MAGI1: variants seen among roughly 807,000 people sequenced by gnomAD.
MAGI1 encodes the protein membrane-associated guanylate kinase, WW and PDZ domain-containing protein 1.
A neutral mutation model predicts 139.9 loss-of-function variants in MAGI1; 58 were observed. The observed-to-expected ratio is 0.41, with a 90% CI of 0.34 to 0.52. MAGI1 has a LOEUF of 0.52. Ranked by LOEUF, MAGI1 falls within the 20% of genes least tolerant of loss-of-function variation. The pLI is 0.12. For missense variants in MAGI1, 1,874 were observed against 1,901.6 expected, an observed-to-expected ratio of 0.99 and a Z score of 0.27; for synonymous variants, 812 against 737.9, an observed-to-expected ratio of 1.10 and a Z score of -1.63.
chr3:65,561,963 C>A (rs1412340286), intron 2 of MAGI1, among the ~76,000 whole-genome samples: 2 of 152,172 alleles, frequency 1.3e-5, no homozygotes, highest in African/African-American at 4.8e-5. Flanking sequence ...AGATATTTTT[C>A]AAGAGAGACC....
Position 65,427,168 on chromosome 3 carries a change from C to T in MAGI1, c.2167+2352G>A, listed in dbSNP as rs190661880. ...TTCTACTGAAAATACAAAAATCAGC[C>T]GGGAGTGGTGGCATGCACCTATAGT... is the stretch of plus-strand genomic sequence containing the variant. On this transcript the variant is annotated intron_variant, in intron 12 of 22. Transcript: ENST00000402939. Among the ~76,000 whole-genome samples the T allele has an allele frequency of 7.9e-5, 12 of 152,034 alleles. 1 individual carries two copies. The highest frequency in any genetic ancestry group is 7.9e-4 in the Admixed American group (12 of 15,272).
intron 1 of MAGI1, among the ~76,000 whole-genome samples, chr3:66,028,874 A>G (rs1008193874): frequency 6.6e-6 from 1 of 152,202 alleles, no homozygotes; most frequent in Non-Finnish European, 1.5e-5. Flanking sequence ...AGCTCTCCAG[A>G]GAACTGTACA....
intron 1 of MAGI1, among the ~76,000 whole-genome samples, chr3:65,825,198 T>C (rs973017475): frequency 1.3e-5 from 2 of 152,250 alleles, no homozygotes; most frequent in African/African-American, 4.8e-5. Flanking sequence ...AGAGAGCTTA[T>C]AGCTTATCAA....
At chr3:65,401,408 A>AAGTAACTG (rs1026495327) in intron 13 of MAGI1, 31 bp downstream of exon 13, 77 of 851,598 alleles carry the variant, frequency 9.0e-5, no homozygotes, top group Non-Finnish European at 1.2e-4. Flanking sequence ...CCCCAGCCCC[A>AAGTAACTG]ACAAGCACCA....
intron 1 of MAGI1, among the ~76,000 whole-genome samples, chr3:65,860,528 G>A (rs528284791): frequency 3.9e-5 from 6 of 152,258 alleles, no homozygotes; most frequent in South Asian, 2.1e-4. Flanking sequence ...CCTCCGCACC[G>A]ATTAAAAAGA....
chr3:65,363,772 G>C (rs530874246), intron 20 of MAGI1, among the ~76,000 whole-genome samples, 164 bp from the exon 21 acceptor site: 9 of 152,206 alleles, frequency 5.9e-5, no homozygotes, highest in African/African-American at 2.2e-4. Context: ...CACAGATCCA[G>C]AATTTGAAAA....
At chr3:65,714,439 A>T (rs574985491) in intron 1 of MAGI1, among the ~76,000 whole-genome samples, 8 of 152,188 alleles carry the variant, frequency 5.3e-5, no homozygotes, top group African/African-American at 1.9e-4. Flanking sequence ...AAGCAAACTC[A>T]GTGTGTACAA....
intron 1 of MAGI1, among the ~76,000 whole-genome samples, chr3:65,703,102 A>G (rs1370594254): frequency 6.6e-6 from 1 of 152,100 alleles, no homozygotes; most frequent in Non-Finnish European, 1.5e-5. Flanking sequence ...AATCTGCCTC[A>G]TTTGGCCTTC....
intron 1 of MAGI1, among the ~76,000 whole-genome samples, chr3:65,815,990 C>T (rs1035372060): frequency 1.3e-5 from 2 of 152,132 alleles, no homozygotes; most frequent in Admixed American, 1.3e-4. Context: ...TCAGGAGACA[C>T]TGATTTGTAT....
chr3:66,012,850 T>C (rs1310537544), intron 1 of MAGI1, among the ~76,000 whole-genome samples: 1 of 151,848 alleles, frequency 6.6e-6, no homozygotes, highest in Non-Finnish European at 1.5e-5. Context: ...GCCCCTGTAA[T>C]GTCCGGTAAA....
chr3:65,425,531 TA>T (rs1286541349), intron 12 of MAGI1, among the ~76,000 whole-genome samples: 13 of 152,228 alleles, frequency 8.5e-5, no homozygotes, highest in African/African-American at 3.1e-4. Context: ...TCTTTTAGAT[TA>T]AAAAAATAAG....
At chr3:65,829,497 T>C (rs1255531017) in intron 1 of MAGI1, among the ~76,000 whole-genome samples, 1 of 152,170 alleles carries the variant, frequency 6.6e-6, no homozygotes, top group Non-Finnish European at 1.5e-5. Flanking sequence ...AGGCACAATC[T>C]ATGACGAAGA....
intron 1 of MAGI1, among the ~76,000 whole-genome samples, chr3:65,867,718 A>G (rs1424951997): frequency 6.6e-6 from 1 of 152,050 alleles, no homozygotes; most frequent in East Asian, 1.9e-4. Flanking sequence ...TCACCACTGC[A>G]CTCCAGCCTT....
chr3:65,812,418 A>T (rs2041300542), intron 1 of MAGI1, among the ~76,000 whole-genome samples: 1 of 151,160 alleles, frequency 6.6e-6, no homozygotes, highest in African/African-American at 2.4e-5. Context: ...ACAGGATTTT[A>T]TAATTTTATA....
chr3:65,890,284 C>G (rs981548064), intron 1 of MAGI1, among the ~76,000 whole-genome samples: 15 of 152,038 alleles, frequency 9.9e-5, no homozygotes, highest in Non-Finnish European at 8.8e-5. Context: ...AGAATGGCGT[C>G]AACCCAGGAG....
intron 1 of MAGI1, among the ~76,000 whole-genome samples, chr3:65,633,386 GGTGA>G (rs747725716): frequency 9.2e-5 from 14 of 152,166 alleles, no homozygotes; most frequent in Non-Finnish European, 2.1e-4. Context: ...AGAAACGTGT[GGTGA>G]GTGTGATGTG....
intron 1 of MAGI1, among the ~76,000 whole-genome samples, chr3:65,709,310 CTTT>C (rs1259970487): frequency 6.6e-6 from 1 of 152,024 alleles, no homozygotes; most frequent in Non-Finnish European, 1.5e-5. Context: ...CCTGCTATCT[CTTT>C]TTTTTCCAGT....
intron 1 of MAGI1, among the ~76,000 whole-genome samples, chr3:65,756,420 C>T (rs896684017): frequency 3.9e-5 from 6 of 152,150 alleles, no homozygotes; most frequent in South Asian, 2.1e-4. Context: ...ATTTAGAACA[C>T]TTTAAATAGC....
chr3:66,009,234 G>A (rs1248458518), intron 1 of MAGI1: 1 of 152,286 alleles, frequency 6.6e-6, no homozygotes, highest in East Asian at 1.9e-4. Flanking sequence ...AAGAATATCC[G>A]GCCAGGTGCG....
Sources: allele counts gnomAD v4.1 joint callset (sites outside exome capture counted in the v4.1 genomes callset), GRCh38; gene constraint gnomAD v4.1.1; transcripts MANE v1.5; gene names NCBI Gene and HGNC (gene_info 2026-07-23, HGNC 2026-07-21).